CABYR: variants seen among roughly 807,000 people sequenced by gnomAD.
The protein encoded by CABYR is calcium binding tyrosine phosphorylation regulated.
In CABYR, 31 loss-of-function variants were observed where a neutral mutation model predicts 36.1. That is an observed-to-expected ratio of 0.86 (90% confidence interval 0.64 to 1.16). CABYR has a LOEUF of 1.16. Ranked by LOEUF, CABYR falls within the 50% of genes most tolerant of loss-of-function variation. CABYR has a pLI of 0.00. For synonymous variants in CABYR, 146 were observed against 160.7 expected (o/e 0.91, Z 0.69); for missense variants, 429 against 455.8 (o/e 0.94, Z 0.53).
chr18:24,154,102 CAAAA>C (rs33985751), intron 3 of CABYR, among the ~76,000 whole-genome samples: 25 of 57,432 alleles, frequency 4.4e-4, no homozygotes, highest in South Asian at 9.6e-4. Context: ...GACTCCATCT[CAAAA>C]AAAAAAAAAA....
intron 4 of CABYR, among the ~76,000 whole-genome samples, 177 bp from the exon 5 acceptor site, chr18:24,159,295 C>A (rs567334618): frequency 6.6e-6 from 1 of 152,236 alleles, no homozygotes; most frequent in Admixed American, 6.5e-5. Context: ...CCTTTTTCAA[C>A]TGTAGAGAAT....
intron 3 of CABYR, among the ~76,000 whole-genome samples, chr18:24,153,598 C>T (rs1317262326): frequency 6.6e-6 from 1 of 152,068 alleles, no homozygotes; most frequent in Admixed American, 6.6e-5. Context: ...TCTTATGTCC[C>T]TTTTCTCCCT....
chr18:24,156,793 C>G, intron 4 of CABYR: 1 of 1,614,092 alleles, frequency 6.2e-7, no homozygotes, highest in Non-Finnish European at 8.5e-7. Context: ...TCTGACAATA[C>G]TGGGCAGGAG....
In CABYR at chr18:24,161,580, A is replaced by AT; in HGVS notation, c.*64_*65insT. 2.6e-6 allele frequency: 2 copies of AT among 776,044 alleles called. No individual in the cohort carries two copies. The highest frequency in any genetic ancestry group is 2.3e-4 in the Middle Eastern group (1 of 4,346). 48.1% of individuals were successfully genotyped at this position (776,044 alleles called of 1,614,324 possible). A position where few individuals can be genotyped will look rare whatever the true frequency, so the allele number is the denominator to read the frequency against. ...GAGTCTGCCACCAGTGTAATGTATC[A>AT]ATAAACTTCATGCAAGCATACAATT... On this transcript the variant is annotated 3_prime_UTR_variant, in exon 6 of 6. Coordinates refer to ENST00000399496, the MANE Select transcript of CABYR (RefSeq NM_153769.3).
At chr18:24,158,432 C>T (rs928128209) in intron 4 of CABYR, among the ~76,000 whole-genome samples, 1 of 149,506 alleles carries the variant, frequency 6.7e-6, no homozygotes, top group African/African-American at 2.4e-5. Context: ...GATTCTCCTG[C>T]CTCAGCCTTC....
At chr18:24,149,446 G>GT (rs1289651435) in intron 3 of CABYR, among the ~76,000 whole-genome samples, 1 of 152,240 alleles carries the variant, frequency 6.6e-6, no homozygotes, top group Non-Finnish European at 1.5e-5. Context: ...AGACATAAAG[G>GT]TTCTCCACGT....
At position 24,156,828 on chromosome 18, in the gene CABYR, C is replaced by A. The variant is rs770634093; in HGVS notation, c.541+786C>A. ...GGAGTCTGGGGAAAACTCTGTACCC[C>A]AGGAGATGGAAGGCAAACCTGTGCT... is the stretch of plus-strand genomic sequence containing the variant. On this transcript the variant is annotated intron_variant, in intron 4 of 5. Transcript: ENST00000399496. 4 of 1,613,934 alleles carry A rather than the reference C, an allele frequency of 2.5e-6. No homozygotes were observed. In the Admixed American group the frequency reaches 6.7e-5, roughly 27 times the overall value.
At chr18:24,141,800 A>C (rs1432567582) in intron 1 of CABYR, among the ~76,000 whole-genome samples, 1 of 152,204 alleles carries the variant, frequency 6.6e-6, no homozygotes, top group African/African-American at 2.4e-5. Flanking sequence ...TCTGTGCAGT[A>C]TCTCTGATAC....
Position 24,156,466 on chromosome 18 carries a change from A to G in CABYR, c.541+424A>G, listed in dbSNP as rs1285234222. 31 of 1,614,042 alleles carry G rather than the reference A, an allele frequency of 1.9e-5. No homozygotes were observed. Among genetic ancestry groups the G allele is most frequent in the Non-Finnish European group, 2.5e-5 (30 of 1,180,056 alleles). On this transcript the variant is annotated intron_variant, in intron 4 of 5. Coordinates refer to ENST00000399496, the MANE Select transcript of CABYR (RefSeq NM_153769.3). The stretch of plus-strand genomic sequence containing the variant: ...GAACAAATAGTTATCCCTTTTACTG[A>G]TCAAGTTGCTTGTCTTAAAGAAAAT...
Position 24,159,959 on chromosome 18 carries a change from A to G in CABYR, c.1029A>G (p.Lys343=). 6.2e-7 allele frequency: 1 copy of G among 1,614,186 alleles called. No homozygotes were observed. Among genetic ancestry groups the G allele is most frequent in the Non-Finnish European group, 8.5e-7 (1 of 1,180,038 alleles). Residue 343 remains lysine, a synonymous_variant, in exon 5 of 6, where the codon AAA becomes AAG. Coordinates refer to ENST00000399496, the MANE Select transcript of CABYR (RefSeq NM_153769.3). ...SVAFPVEDVA[K]KSSGSGDKCA... The stretch of plus-strand genomic sequence containing the variant: ...CTTTCCCAGTAGAAGATGTAGCTAA[A>G]AAAAGTTCAGGATCTGGTGACAAAT...
intron 4 of CABYR, chr18:24,156,595 T>C: frequency 1.2e-6 from 2 of 1,614,188 alleles, no homozygotes; most frequent in Non-Finnish European, 1.7e-6. Context: ...TCTGTAAAAC[T>C]TGCACAGTTG....
At chr18:24,146,557 AG>A (rs1216785846) in intron 3 of CABYR, among the ~76,000 whole-genome samples, 3 of 151,290 alleles carry the variant, frequency 2.0e-5, no homozygotes, top group South Asian at 2.1e-4. Flanking sequence ...AAAAAAAAAA[AG>A]GTCTATGTCA....
chr18:24,142,958 GGGAGGC>G, intron 1 of CABYR, 127 bp from the exon 2 acceptor site: 1 of 516,786 alleles, frequency 1.9e-6, no homozygotes, highest in East Asian at 3.6e-5. Flanking sequence ...GCTTGAACCT[GGGAGGC>G]GGAGGTTGCA....
At chr18:24,143,449 T>C in intron 3 of CABYR, 36 bp downstream of exon 3, 2 of 1,224,618 alleles carry the variant, frequency 1.6e-6, no homozygotes, top group Non-Finnish European at 1.1e-6. Flanking sequence ...TTAATAATGA[T>C]GTTTATTAAT....
At chr18:24,143,041 A>AC in intron 1 of CABYR, 50 bp from the exon 2 acceptor site, 1 of 1,333,622 alleles carries the variant, frequency 7.5e-7, no homozygotes, top group Non-Finnish European at 1.0e-6. Context: ...AAAAAAAAAA[A>AC]ACCTATTTTA....
chr18:24,151,471 C>T (rs369171983), intron 3 of CABYR, among the ~76,000 whole-genome samples: 2 of 152,110 alleles, frequency 1.3e-5, no homozygotes, highest in African/African-American at 2.4e-5. Context: ...CTTATACAAC[C>T]GACATAATCT....
intron 3 of CABYR, chr18:24,148,608 CT>C (rs1372342260): frequency 3.2e-5 from 5 of 155,820 alleles, no homozygotes; most frequent in African/African-American, 1.2e-4. Context: ...TGAGTTACAG[CT>C]CCTAAGGTGG....
chr18:24,145,348 G>A (rs2085433741), intron 3 of CABYR, among the ~76,000 whole-genome samples: 1 of 152,166 alleles, frequency 6.6e-6, no homozygotes, highest in African/African-American at 2.4e-5. Context: ...ATAAAACGAA[G>A]TCCAGCACCT....
intron 3 of CABYR, among the ~76,000 whole-genome samples, chr18:24,150,973 G>A (rs1018379496): frequency 6.6e-6 from 1 of 151,966 alleles, no homozygotes; most frequent in Non-Finnish European, 1.5e-5. Flanking sequence ...TAGAGACAGG[G>A]TTTCACCGTG....
Sources: allele counts gnomAD v4.1 joint callset (sites outside exome capture counted in the v4.1 genomes callset), GRCh38; gene constraint gnomAD v4.1.1; transcripts MANE v1.5; gene names NCBI Gene and HGNC (gene_info 2026-07-23, HGNC 2026-07-21).